Variants in ERCC6L2 observed in about 807,000 individuals in gnomAD.
ERCC6L2 encodes the protein ERCC excision repair 6 like 2.
Under a neutral mutation model 132.0 loss-of-function variants are expected in ERCC6L2, and 77 were observed. The ratio of observed to expected loss-of-function variants is 0.58; its 90% CI spans 0.49 to 0.71. The LOEUF (loss-of-function observed/expected upper bound fraction) is 0.71. Among genes scored for constraint, ERCC6L2 ranks in the 30% least tolerant of loss-of-function variants. ERCC6L2 has a pLI of 0.00. For synonymous variants in ERCC6L2, 583 were observed against 632.4 expected, an observed-to-expected ratio of 0.92 and a Z score of 1.17; for missense variants, 1,542 against 1,837.6, an observed-to-expected ratio of 0.84 and a Z score of 2.94.
rs1588034415 is a variant in ERCC6L2 at position 95,993,990 on chromosome 9, A to G, written c.3493-10530A>G. Among the ~76,000 whole-genome samples the G allele has an allele frequency of 2.0e-5, 3 of 152,362 alleles. No individual in the cohort carries two copies. In the South Asian group the frequency reaches 6.2e-4, roughly 32 times the overall value. ...TTTCTGCAGATAGTGAGTTAAGACA[A>G]TTCAGGGATAGCTCATAGTTGCCTT... On this transcript the variant is annotated intron_variant, in intron 17 of 18. Transcript: ENST00000653738.
At chr9:95,957,240 A>T (rs907566822) in intron 13 of ERCC6L2, among the ~76,000 whole-genome samples, 1 of 152,128 alleles carries the variant, frequency 6.6e-6, no homozygotes, top group Non-Finnish European at 1.5e-5. Flanking sequence ...TGCTTCCTAT[A>T]TGTTCAGTTG....
At chr9:95,901,649 G>C in intron 3 of ERCC6L2, among the ~76,000 whole-genome samples, 1 of 152,188 alleles carries the variant, frequency 6.6e-6, no homozygotes, top group East Asian at 1.9e-4. Context: ...CAGTTCTTCA[G>C]GTGTGCCAGT....
intron 2 of ERCC6L2, among the ~76,000 whole-genome samples, chr9:95,887,199 G>T (rs563954850): frequency 2.2e-4 from 33 of 152,030 alleles, no homozygotes; most frequent in African/African-American, 6.0e-4. Flanking sequence ...AAGTGGGTTG[G>T]GGGGGAGAAA....
At chr9:95,925,000 G>A (rs1014463555) in intron 9 of ERCC6L2, among the ~76,000 whole-genome samples, 1 of 152,102 alleles carries the variant, frequency 6.6e-6, no homozygotes, top group African/African-American at 2.4e-5. Context: ...AGACTTACAG[G>A]CTTATCATAG....
chr9:96,000,375 A>G (rs1471904374), intron 17 of ERCC6L2, among the ~76,000 whole-genome samples: 1 of 152,170 alleles, frequency 6.6e-6, no homozygotes, highest in Non-Finnish European at 1.5e-5. Flanking sequence ...TGTCAGTTTC[A>G]ATAAAATGAA....
At chr9:96,011,269 G>C (rs936006697) in intron 18 of ERCC6L2, among the ~76,000 whole-genome samples, 1 of 152,240 alleles carries the variant, frequency 6.6e-6, no homozygotes, top group Non-Finnish European at 1.5e-5. Flanking sequence ...ACATGGCAGA[G>C]AGGAAGAGAC....
intron 19 of ERCC6L2, among the ~76,000 whole-genome samples, chr9:96,034,543 C>A (rs139735416): frequency 6.6e-6 from 1 of 152,158 alleles, no homozygotes; most frequent in Non-Finnish European, 1.5e-5. Flanking sequence ...CTGGGAGAGG[C>A]GGTCTTTGAC....
At chr9:95,899,600 A>ATGTGTGTGTGTGTGTGTGTG in intron 3 of ERCC6L2, among the ~76,000 whole-genome samples, 1 of 134,896 alleles carries the variant, frequency 7.4e-6, no homozygotes, top group East Asian at 2.2e-4. Flanking sequence ...TTATATATAT[A>ATGTGTGTGTGTGTGTGTGTG]TGTGTGTGTG....
chr9:95,910,998 C>T (rs562712033), intron 4 of ERCC6L2, among the ~76,000 whole-genome samples: 1 of 152,292 alleles, frequency 6.6e-6, no homozygotes, highest in South Asian at 2.1e-4. Context: ...ACTGTACCCT[C>T]AGTCTCCCAC....
intron 2 of ERCC6L2, among the ~76,000 whole-genome samples, chr9:95,886,728 T>C (rs1252124080): frequency 2.0e-5 from 3 of 152,222 alleles, no homozygotes; most frequent in Non-Finnish European, 2.9e-5. Context: ...TTGATTGGAT[T>C]GAAGGATACA....
At position 95,936,052 on chromosome 9, in the gene ERCC6L2, A is replaced by G. The variant is rs531503857; in HGVS notation, c.1752-5402A>G. Among the ~76,000 whole-genome samples the G allele has an allele frequency of 2.0e-5, 3 of 152,276 alleles. No individual in the cohort carries two copies. The South Asian group carries it at 6.2e-4, about 32-fold the overall frequency. ...GAAGACCAAAGAAGTAATACATGCAAGTGCAATCTAATAACAGCTCTGAAA... is the reference window on the plus strand; with the variant it reads ...GAAGACCAAAGAAGTAATACATGCAGGTGCAATCTAATAACAGCTCTGAAA... On this transcript the variant is annotated intron_variant, in intron 11 of 18. Transcript: ENST00000653738.
intron 2 of ERCC6L2, among the ~76,000 whole-genome samples, chr9:95,884,399 C>G (rs1827754508): frequency 1.3e-5 from 2 of 151,788 alleles, no homozygotes; most frequent in Non-Finnish European, 2.9e-5. Context: ...ACTGTGTTAA[C>G]TAAAATTTCA....
At chr9:95,899,956 G>C (rs1190545131) in intron 3 of ERCC6L2, among the ~76,000 whole-genome samples, 2 of 152,122 alleles carry the variant, frequency 1.3e-5, no homozygotes, top group Non-Finnish European at 2.9e-5. Flanking sequence ...TGAATCCACT[G>C]ATATGAAACC....
intron 2 of ERCC6L2, among the ~76,000 whole-genome samples, chr9:95,890,944 A>G (rs1828127499): frequency 6.6e-6 from 1 of 152,112 alleles, no homozygotes; most frequent in Non-Finnish European, 1.5e-5. Flanking sequence ...AAAAATAGCT[A>G]CTGTTTGCCT....
intron 17 of ERCC6L2, among the ~76,000 whole-genome samples, chr9:95,984,090 T>A (rs548994139): frequency 6.6e-6 from 1 of 151,462 alleles, no homozygotes; most frequent in African/African-American, 2.4e-5. Flanking sequence ...TATATATACA[T>A]ACGTATATAT....
rs1333544238 is a variant in ERCC6L2 at position 95,907,143 on chromosome 9, A to C, written c.660A>C (p.Gly220=). The C allele has an allele frequency of 6.2e-7, 1 of 1,613,470 alleles. No individual in the cohort carries two copies. Among genetic ancestry groups the C allele is most frequent in the Non-Finnish European group, 8.5e-7 (1 of 1,179,688 alleles). Reference sequence around the variant, plus strand: ...GGAAGGATGAATTGGACACCTGGGGATATTTCAGAGTCACTGTTTTACATG... The same window carrying C: ...GGAAGGATGAATTGGACACCTGGGGCTATTTCAGAGTCACTGTTTTACATG... The part of the protein sequence containing the change: ...YNWKDELDTW[G]YFRVTVLHGN... The change falls in exon 4 of 19, where the codon GGA becomes GGC. Residue 220 remains glycine, a synonymous_variant. Coordinates refer to ENST00000653738, the MANE Select transcript of ERCC6L2 (RefSeq NM_020207.7).
At chr9:95,922,507 G>T in intron 8 of ERCC6L2, 89 bp downstream of exon 8, 1 of 770,134 alleles carries the variant, frequency 1.3e-6, no homozygotes, top group South Asian at 1.8e-5. Context: ...AAGTTTTTGT[G>T]GATGAAATTT....
rs181410998 is a variant in ERCC6L2, at chr9:95,883,361, T to A, written c.471+2068T>A. On this transcript the variant is annotated intron_variant, in intron 2 of 18. Coordinates refer to ENST00000653738, the MANE Select transcript of ERCC6L2 (RefSeq NM_020207.7). Reference sequence around the variant, plus strand: ...TGTTGTCTCAGTGATTGGCTGGCTGTATGGTGAGCAGCAGGTCTTAGACCG... The same window carrying A: ...TGTTGTCTCAGTGATTGGCTGGCTGAATGGTGAGCAGCAGGTCTTAGACCG... Among the ~76,000 whole-genome samples, 929 of 152,314 alleles carry A rather than the reference T, an allele frequency of 6.1e-3. 4 individuals are homozygous for A. The highest frequency in any genetic ancestry group is 0.014 in the Middle Eastern group (4 of 294).
intron 17 of ERCC6L2, among the ~76,000 whole-genome samples, chr9:95,983,353 T>C (rs551266638): frequency 6.6e-6 from 1 of 152,340 alleles, no homozygotes; most frequent in East Asian, 1.9e-4. Flanking sequence ...TGATTCCAAC[T>C]CTTCTCCCAG....
Sources: gnomAD v4.1 joint callset for allele counts (sites outside exome capture counted in the v4.1 genomes callset) on GRCh38, gnomAD v4.1.1 for gene constraint, MANE v1.5 for transcripts, NCBI Gene and HGNC (gene_info 2026-07-23, HGNC 2026-07-21) for gene names.